KIAA0825: variants seen among roughly 807,000 people sequenced by gnomAD.
The protein encoded by KIAA0825 is KIAA0825.
Under a neutral mutation model 147.6 loss-of-function variants are expected in KIAA0825, and 119 were observed. The observed-to-expected ratio is 0.81, with a 90% CI of 0.69 to 0.94. KIAA0825 has a LOEUF of 0.94. KIAA0825 is among the 40% of genes least tolerant of loss of function. The probability of loss-of-function intolerance (pLI) is 0.00; values close to 1 mark genes in which losing one functional copy is unlikely to be tolerated. For synonymous variants in KIAA0825, 470 were observed against 518.1 expected, an observed-to-expected ratio of 0.91 and a Z score of 1.26; for missense variants, 1,381 against 1,472.7, an observed-to-expected ratio of 0.94 and a Z score of 1.02.
intron 1 of KIAA0825, among the ~76,000 whole-genome samples, chr5:94,599,666 C>T (rs1326379038): frequency 6.6e-6 from 1 of 152,032 alleles, no homozygotes; most frequent in African/African-American, 2.4e-5. Context: ...AATTGGACTG[C>T]ATTAAAATTC....
intron 20 of KIAA0825, among the ~76,000 whole-genome samples, chr5:94,238,030 C>T (rs1356803401): frequency 6.6e-6 from 1 of 152,114 alleles, no homozygotes; most frequent in Non-Finnish European, 1.5e-5. Context: ...CATTTCATGA[C>T]ATGCAGATTT....
intron 20 of KIAA0825, among the ~76,000 whole-genome samples, chr5:94,183,619 C>G (rs1433152062): frequency 6.6e-6 from 1 of 152,096 alleles, no homozygotes; most frequent in African/African-American, 2.4e-5. Context: ...GAGCCAATGG[C>G]CAATGATTTA....
intron 20 of KIAA0825, among the ~76,000 whole-genome samples, chr5:94,272,138 A>T (rs893884149): frequency 1.3e-5 from 2 of 150,526 alleles, no homozygotes; most frequent in African/African-American, 4.9e-5. Context: ...AAAAACTAAG[A>T]CAATTGAACT....
rs1744712568 is a variant in KIAA0825 at position 94,359,096 on chromosome 5, T to C, written c.3710+25272A>G. On this transcript the variant is annotated intron_variant, in intron 20 of 20. Coordinates refer to ENST00000682413, the MANE Select transcript of KIAA0825 (RefSeq NM_001145678.3). Reference sequence around the variant, plus strand: ...GAATAATGTCAACAATGACTAAGCATTCACAAAGTGTTCAATCATTTGAAC... The same window carrying C: ...GAATAATGTCAACAATGACTAAGCACTCACAAAGTGTTCAATCATTTGAAC... Among the ~76,000 whole-genome samples the C allele has an allele frequency of 3.3e-5, 5 of 152,348 alleles. No homozygotes were observed. The South Asian group carries it at 1.0e-3, about 32-fold the overall frequency.
At chr5:94,224,180 A>G (rs1367656616) in intron 20 of KIAA0825, among the ~76,000 whole-genome samples, 2 of 126,622 alleles carry the variant, frequency 1.6e-5, no homozygotes, top group Admixed American at 1.0e-4. Context: ...TACAACCTCC[A>G]CCTCTGGGGT....
At chr5:94,481,290 T>C (rs1160260149) in intron 6 of KIAA0825, among the ~76,000 whole-genome samples, 5 of 152,104 alleles carry the variant, frequency 3.3e-5, no homozygotes, top group African/African-American at 7.2e-5. Context: ...GGTTAGTTTC[T>C]ACACTGCCGC....
chr5:94,243,819 C>T (rs1775473355), intron 20 of KIAA0825, among the ~76,000 whole-genome samples: 1 of 152,210 alleles, frequency 6.6e-6, no homozygotes, highest in South Asian at 2.1e-4. Flanking sequence ...GGCTTTCTGA[C>T]TAAGCTAGCC....
intron 2 of KIAA0825, among the ~76,000 whole-genome samples, chr5:94,539,535 T>A (rs1401706363): frequency 6.6e-6 from 1 of 151,956 alleles, no homozygotes; most frequent in African/African-American, 2.4e-5. Flanking sequence ...CCTGGTAACA[T>A]CTTTCTGGCA....
chr5:94,349,394 G>A (rs548802035), intron 20 of KIAA0825, among the ~76,000 whole-genome samples: 6 of 152,132 alleles, frequency 3.9e-5, no homozygotes, highest in South Asian at 2.1e-4. Flanking sequence ...TCATCAAGAC[G>A]GAAAGTCAAC....
intron 5 of KIAA0825, among the ~76,000 whole-genome samples, chr5:94,485,505 C>T (rs922070110): frequency 4.0e-5 from 6 of 151,490 alleles, no homozygotes; most frequent in East Asian, 1.9e-4. Flanking sequence ...CTTAATTTCC[C>T]GATTTATATA....
intron 20 of KIAA0825, among the ~76,000 whole-genome samples, chr5:94,299,097 A>T (rs887460222): frequency 6.6e-6 from 1 of 152,136 alleles, no homozygotes; most frequent in African/African-American, 2.4e-5. Context: ...TTCAGTTTTA[A>T]GTGCACTTCC....
chr5:94,582,213 T>G (rs887873144), intron 2 of KIAA0825, among the ~76,000 whole-genome samples: 1 of 152,100 alleles, frequency 6.6e-6, no homozygotes, highest in African/African-American at 2.4e-5. Context: ...CCTGCTGCAG[T>G]GTTGTGTAGA....
chr5:94,428,187 GTGTGT>G (rs1755165661), intron 14 of KIAA0825, among the ~76,000 whole-genome samples: 1 of 139,728 alleles, frequency 7.2e-6, no homozygotes, highest in African/African-American at 2.8e-5. Flanking sequence ...GTGTGTGTGT[GTGTGT>G]GTTTTAATTC....
chr5:94,384,300 TACAC>T, intron 20 of KIAA0825, 64 bp downstream of exon 20: 1 of 1,112,636 alleles, frequency 9.0e-7, no homozygotes, highest in African/African-American at 1.6e-5. Context: ...TGTACGTGTA[TACAC>T]ACACACACGC....
chr5:94,378,807 T>C (rs1399603987), intron 20 of KIAA0825, among the ~76,000 whole-genome samples: 1 of 152,242 alleles, frequency 6.6e-6, no homozygotes, highest in Non-Finnish European at 1.5e-5. Flanking sequence ...CTGACTGGTG[T>C]GAGATGCTAT....
intron 20 of KIAA0825, among the ~76,000 whole-genome samples, chr5:94,316,539 A>G (rs535984446): frequency 2.0e-5 from 3 of 151,794 alleles, no homozygotes; most frequent in Admixed American, 2.0e-4. Flanking sequence ...TCTACTTCAG[A>G]GTTCACATTG....
intron 2 of KIAA0825, among the ~76,000 whole-genome samples, chr5:94,575,955 G>A (rs932432623): frequency 1.3e-5 from 2 of 152,164 alleles, no homozygotes; most frequent in Non-Finnish European, 2.9e-5. Flanking sequence ...CAGAATGGTA[G>A]CTCATGAATA....
chr5:94,346,986 G>A (rs987181451), intron 20 of KIAA0825, among the ~76,000 whole-genome samples: 3 of 152,154 alleles, frequency 2.0e-5, no homozygotes, highest in Admixed American at 6.5e-5. Flanking sequence ...ATGGGAGTGA[G>A]ACTGGCCCTT....
At chr5:94,600,144 G>C (rs1786112098) in intron 1 of KIAA0825, among the ~76,000 whole-genome samples, 1 of 152,124 alleles carries the variant, frequency 6.6e-6, no homozygotes, top group Non-Finnish European at 1.5e-5. Flanking sequence ...AATAGGAATT[G>C]CATTAAATCT....
Sources: gnomAD v4.1 joint callset for allele counts (sites outside exome capture counted in the v4.1 genomes callset) on GRCh38, gnomAD v4.1.1 for gene constraint, MANE v1.5 for transcripts, NCBI Gene and HGNC (gene_info 2026-07-23, HGNC 2026-07-21) for gene names.